The following EYS variants were observed in gnomAD, a reference collection of about 807,000 sequenced individuals.
EYS encodes EGF-like photoreceptor maintenance factor.
Under a neutral mutation model 282.1 loss-of-function variants are expected in EYS, and 250 were observed. The ratio of observed to expected loss-of-function variants is 0.89; its 90% CI spans 0.80 to 0.98. The LOEUF is 0.98. Among genes scored for constraint, EYS ranks in the 50% least tolerant of loss-of-function variants. The pLI is 0.00. For missense variants in EYS, 4,016 were observed against 3,709.0 expected, an observed-to-expected ratio of 1.08 and a Z score of -2.15; for synonymous variants, 1,355 against 1,282.9, an observed-to-expected ratio of 1.06 and a Z score of -1.20.
At chr6:65,018,659 A>G (rs1436651733) in intron 13 of EYS, among the ~76,000 whole-genome samples, 1 of 152,120 alleles carries the variant, frequency 6.6e-6, no homozygotes, top group Non-Finnish European at 1.5e-5. Context: ...GAAGCATAAG[A>G]GGTTTTTCTG....
chr6:65,563,605 C>T (rs6931588), intron 2 of EYS, among the ~76,000 whole-genome samples: 2,098 of 151,976 alleles, frequency 0.014, 40 homozygotes, highest in African/African-American at 0.047. Context: ...CCCCACTTTC[C>T]AATTGACAAC....
intron 33 of EYS, among the ~76,000 whole-genome samples, chr6:64,044,187 T>C (rs529075581): frequency 7.9e-4 from 121 of 152,356 alleles, no homozygotes; most frequent in African/African-American, 2.9e-3. Context: ...AACAGTTTAT[T>C]GGAAAACACA....
chr6:63,899,164 C>G (rs1644372182), intron 35 of EYS, among the ~76,000 whole-genome samples: 1 of 152,176 alleles, frequency 6.6e-6, no homozygotes, highest in African/African-American at 2.4e-5. Context: ...AAATTTCAAA[C>G]AAGTACCTTT....
chr6:64,848,690 T>C (rs1765790094), intron 19 of EYS, among the ~76,000 whole-genome samples: 1 of 152,062 alleles, frequency 6.6e-6, no homozygotes. Flanking sequence ...CTGGTGTAAA[T>C]AGCGTGGTCT....
intron 12 of EYS, among the ~76,000 whole-genome samples, chr6:65,124,527 C>T (rs1391808786): frequency 6.6e-6 from 1 of 152,110 alleles, no homozygotes; most frequent in Non-Finnish European, 1.5e-5. Context: ...AATTTTATTA[C>T]AACTTAAACA....
chr6:63,893,786 C>T (rs1226706051), intron 35 of EYS, among the ~76,000 whole-genome samples: 1 of 152,096 alleles, frequency 6.6e-6, no homozygotes, highest in Admixed American at 6.5e-5. Flanking sequence ...AATTTATCTT[C>T]AGAGCTAAAA....
intron 28 of EYS, among the ~76,000 whole-genome samples, chr6:64,430,533 T>C (rs1008333300): frequency 1.3e-5 from 2 of 152,162 alleles, no homozygotes; most frequent in Non-Finnish European, 2.9e-5. Flanking sequence ...AAAAGAAATA[T>C]GAGCACTTTG....
Position 65,103,532 on chromosome 6 carries a change from T to C in EYS, c.2024-45805A>G, listed in dbSNP as rs1290222378. On this transcript the variant is annotated intron_variant, in intron 12 of 42. Coordinates refer to ENST00000503581, the MANE Select transcript of EYS (RefSeq NM_001142800.2). ...GTCTTCCCATTTTTGCCTAACATCCTGATGGGACCCATGCTGTTGACTTAT... is the reference window on the plus strand; with the variant it reads ...GTCTTCCCATTTTTGCCTAACATCCCGATGGGACCCATGCTGTTGACTTAT... Among the ~76,000 whole-genome samples, 4 of 151,468 alleles carry C rather than the reference T, an allele frequency of 2.6e-5. 1 individual carries two copies. Among genetic ancestry groups the C allele is most frequent in the Middle Eastern group, 6.3e-3 (2 of 316 alleles).
In EYS at chr6:64,329,797, G is replaced by C. The variant is rs1404257733; in HGVS notation, c.6079-22715C>G. Among the ~76,000 whole-genome samples the C allele has an allele frequency of 6.6e-5, 10 of 152,116 alleles. 1 individual carries two copies. The highest frequency in any genetic ancestry group is 1.3e-4 in the Non-Finnish European group (9 of 68,006). ...GATTACCAGCCGGTACAGGATTTAT[G>C]GGCAGTAAATAAGGTTGCAGCTACA... On this transcript the variant is annotated intron_variant, in intron 29 of 42. Transcript: ENST00000503581.
chr6:64,541,697 C>T (rs1287276203), intron 26 of EYS, among the ~76,000 whole-genome samples: 1 of 152,106 alleles, frequency 6.6e-6, no homozygotes, highest in African/African-American at 2.4e-5. Context: ...GTTCTTTTTC[C>T]ATTTCTGCTA....
chr6:63,977,143 G>T (rs1352227245), intron 35 of EYS, among the ~76,000 whole-genome samples: 1 of 151,314 alleles, frequency 6.6e-6, no homozygotes, highest in Non-Finnish European at 1.5e-5. Flanking sequence ...TACATATGCA[G>T]TAATCTATAT....
intron 26 of EYS, among the ~76,000 whole-genome samples, chr6:64,461,225 A>G (rs765351430): frequency 1.3e-5 from 2 of 152,230 alleles, no homozygotes; most frequent in Non-Finnish European, 2.9e-5. Flanking sequence ...CCTTTTGGTT[A>G]TCTAAAAATC....
chr6:64,825,762 G>A (rs1224086528), intron 19 of EYS, among the ~76,000 whole-genome samples: 4 of 151,862 alleles, frequency 2.6e-5, no homozygotes, highest in African/African-American at 4.8e-5. Context: ...AAGACACACA[G>A]TTGTGGAGGG....
At chr6:64,262,805 AC>A (rs1175931897) in intron 30 of EYS, among the ~76,000 whole-genome samples, 1 of 151,968 alleles carries the variant, frequency 6.6e-6, no homozygotes, top group Non-Finnish European at 1.5e-5. Flanking sequence ...TCCAAGACTT[AC>A]CCAGTATGTC....
chr6:64,690,761 T>C (rs1299477384), intron 22 of EYS, among the ~76,000 whole-genome samples: 5 of 151,688 alleles, frequency 3.3e-5, no homozygotes, highest in African/African-American at 4.8e-5. Flanking sequence ...TTCACACTCA[T>C]AGGCGGGAAT....
chr6:65,390,538 A>G (rs144413322), intron 7 of EYS, among the ~76,000 whole-genome samples: 1,913 of 151,992 alleles, frequency 0.013, 32 homozygotes, highest in African/African-American at 0.044. Context: ...TCAGAAGGCT[A>G]CAAGAAAAAC....
chr6:64,131,330 C>T (rs1433197356), intron 31 of EYS, among the ~76,000 whole-genome samples: 2 of 151,998 alleles, frequency 1.3e-5, no homozygotes, highest in Non-Finnish European at 2.9e-5. Flanking sequence ...ATTTAAAAGT[C>T]TTCCATATTA....
chr6:64,769,624 C>T (rs191464887), intron 22 of EYS, among the ~76,000 whole-genome samples: 239 of 151,950 alleles, frequency 1.6e-3, no homozygotes, highest in African/African-American at 5.5e-3. Flanking sequence ...ATTTAAACAT[C>T]GTTTTATAAA....
At chr6:65,361,938 G>A (rs935757861) in intron 8 of EYS, among the ~76,000 whole-genome samples, 1 of 152,108 alleles carries the variant, frequency 6.6e-6, no homozygotes, top group African/African-American at 2.4e-5. Context: ...TCATGATTGT[G>A]AAGAAATGTA....
Sources: allele counts gnomAD v4.1 joint callset (sites outside exome capture counted in the v4.1 genomes callset), GRCh38; gene constraint gnomAD v4.1.1; transcripts MANE v1.5; gene names NCBI Gene and HGNC (gene_info 2026-07-23, HGNC 2026-07-21).